PCDH11Y: variants seen among roughly 807,000 people sequenced by gnomAD.
The protein encoded by PCDH11Y is protocadherin-11 Y-linked.
For synonymous variants in PCDH11Y, 9 were observed against 83.6 expected (o/e 0.11, Z 4.87); for missense variants, 12 against 224.8 (o/e 0.05, Z 6.05).
intron 2 of PCDH11Y, among the ~76,000 whole-genome samples, chrY:5,130,773 C>T (rs2124641153): frequency 4.2e-4 from 13 of 30,832 alleles, no homozygotes; most frequent in African/African-American, 1.7e-3. Flanking sequence ...ATCCCAGGTA[C>T]TTGGGAGGCT....
At chrY:5,112,000 C>A in intron 2 of PCDH11Y, among the ~76,000 whole-genome samples, 1 of 33,375 alleles carries the variant, frequency 3.0e-5, no homozygotes. Context: ...ATTTATGTTT[C>A]TCAAATTTCT....
chrY:5,072,040 A>G (rs2124630820), intron 1 of PCDH11Y, among the ~76,000 whole-genome samples: 1 of 33,778 alleles, frequency 3.0e-5, no homozygotes, highest in Non-Finnish European at 7.4e-5. Flanking sequence ...TGGGCATTAT[A>G]GTTTGGAACT....
At chrY:5,500,627 C>A (rs2053351904) in intron 2 of PCDH11Y, among the ~76,000 whole-genome samples, 1 of 33,613 alleles carries the variant, frequency 3.0e-5, no homozygotes, top group East Asian at 7.8e-4. Context: ...TTATTATTCA[C>A]AGTTTCAGCT....
At chrY:5,646,452 A>C in intron 4 of PCDH11Y, among the ~76,000 whole-genome samples, 1 of 32,656 alleles carries the variant, frequency 3.1e-5, no homozygotes, top group Non-Finnish European at 7.5e-5. Flanking sequence ...ACTATAATCA[A>C]TAATAACTTA....
chrY:5,257,634 T>G, intron 2 of PCDH11Y, among the ~76,000 whole-genome samples: 2 of 31,678 alleles, frequency 6.3e-5, no homozygotes, highest in South Asian at 7.4e-4. Context: ...AGTACTGGGA[T>G]TTTAGGCATA....
At chrY:5,649,023 T>C in intron 4 of PCDH11Y, among the ~76,000 whole-genome samples, 1 of 30,903 alleles carries the variant, frequency 3.2e-5, no homozygotes, top group Admixed American at 3.1e-4. Context: ...AAAACTGGAA[T>C]TATCTATGAC....
At chrY:5,194,606 G>A in intron 2 of PCDH11Y, among the ~76,000 whole-genome samples, 8 of 31,954 alleles carry the variant, frequency 2.5e-4, no homozygotes, top group African/African-American at 9.9e-4. Flanking sequence ...TGTAAAATAA[G>A]TAAAATAATG....
intron 4 of PCDH11Y, among the ~76,000 whole-genome samples, chrY:5,682,639 ATGTAAGATT>A (rs2053559737): frequency 6.7e-5 from 2 of 29,694 alleles, no homozygotes; most frequent in Non-Finnish European, 1.6e-4. Context: ...TTACATTTCA[ATGTAAGATT>A]TGGGCCAGGA....
At chrY:5,205,786 G>A in intron 2 of PCDH11Y, among the ~76,000 whole-genome samples, 2 of 28,908 alleles carry the variant, frequency 6.9e-5, no homozygotes, top group Admixed American at 3.6e-4. Context: ...TGACTGACAG[G>A]TTATGTGTGA....
At chrY:5,543,248 A>G (rs368703554) in intron 3 of PCDH11Y, among the ~76,000 whole-genome samples, 2 of 22,916 alleles carry the variant, frequency 8.7e-5, no homozygotes, top group Non-Finnish European at 2.5e-4. Flanking sequence ...ACATTTTACC[A>G]AACTTCAGGC....
intron 2 of PCDH11Y, among the ~76,000 whole-genome samples, chrY:5,428,621 T>C (rs2053265751): frequency 3.0e-5 from 1 of 33,518 alleles, no homozygotes; most frequent in Non-Finnish European, 7.4e-5. Context: ...AATTGTAATA[T>C]AGTAAATACA....
intron 2 of PCDH11Y, among the ~76,000 whole-genome samples, chrY:5,158,282 T>A: frequency 3.2e-5 from 1 of 31,626 alleles, no homozygotes; most frequent in Non-Finnish European, 7.7e-5. Context: ...TTCACTGTTT[T>A]TCCTCAATGA....
At chrY:5,181,341 C>A in intron 2 of PCDH11Y, among the ~76,000 whole-genome samples, 1 of 31,702 alleles carries the variant, frequency 3.2e-5, no homozygotes, top group Non-Finnish European at 7.6e-5. Context: ...TCTCTAGCTG[C>A]CCTTTTAACA....
intron 2 of PCDH11Y, among the ~76,000 whole-genome samples, chrY:5,155,155 A>T (rs2124643933): frequency 3.2e-5 from 1 of 31,576 alleles, no homozygotes; most frequent in South Asian, 7.2e-4. Flanking sequence ...GATGTGCATT[A>T]TCTGGTCTTT....
intron 1 of PCDH11Y, among the ~76,000 whole-genome samples, chrY:5,028,486 AG>A (rs2124620961): frequency 3.0e-5 from 1 of 33,533 alleles, no homozygotes; most frequent in South Asian, 6.7e-4. Flanking sequence ...AAAGGTGAAC[AG>A]GGGTTGGACA....
At chrY:5,075,176 G>A in intron 1 of PCDH11Y, among the ~76,000 whole-genome samples, 2 of 33,214 alleles carry the variant, frequency 6.0e-5, no homozygotes, top group Non-Finnish European at 7.5e-5. Flanking sequence ...AATTACAAGC[G>A]TTTTTTAAGC....
At chrY:5,178,818 C>A in intron 2 of PCDH11Y, among the ~76,000 whole-genome samples, 3 of 31,578 alleles carry the variant, frequency 9.5e-5, no homozygotes, top group Non-Finnish European at 7.7e-5. Flanking sequence ...TGTTTTCCCC[C>A]ACGTGTCCAT....
At position 5,485,071 on chromosome Y, in the gene PCDH11Y, T is replaced by C. The variant is rs2124686219; in HGVS notation, c.3130-15986T>C. Among the ~76,000 whole-genome samples the C allele has an allele frequency of 9.3e-4, 31 of 33,503 alleles. No homozygotes were observed. The East Asian group carries it at 0.025, about 27-fold the overall frequency. 89.9% of individuals were successfully genotyped at this position (33,503 alleles called of 37,273 possible). On this transcript the variant is annotated intron_variant, in intron 2 of 4. Coordinates refer to the PCDH11Y transcript ENST00000400457. Reference sequence around the variant, plus strand: ...AAATGCCTTTAGCTCAAAATAATTCTTATGCCAAAGAGCATATTCTGGAAT... The same window carrying C: ...AAATGCCTTTAGCTCAAAATAATTCCTATGCCAAAGAGCATATTCTGGAAT...
chrY:5,706,976 G>A (rs2053583398), intron 4 of PCDH11Y, among the ~76,000 whole-genome samples: 3 of 32,790 alleles, frequency 9.1e-5, no homozygotes, highest in African/African-American at 3.6e-4. Flanking sequence ...CTATATGACT[G>A]CATCACAATT....
Sources: gnomAD v4.1 joint callset for allele counts (sites outside exome capture counted in the v4.1 genomes callset) on GRCh38, gnomAD v4.1.1 for gene constraint, MANE v1.5 for transcripts, NCBI Gene and HGNC (gene_info 2026-07-23, HGNC 2026-07-21) for gene names.